The following DLG5 variants were observed in gnomAD, a reference collection of about 807,000 sequenced individuals.
DLG5 encodes the protein discs large MAGUK scaffold protein 5.
In DLG5, 48 loss-of-function variants were observed where a neutral mutation model predicts 189.8. The ratio of observed to expected loss-of-function variants is 0.25; its 90% CI spans 0.20 to 0.32. The LOEUF (loss-of-function observed/expected upper bound fraction) is 0.32. Among genes scored for constraint, DLG5 ranks in the 10% least tolerant of loss-of-function variants. The pLI is 1.00. For missense variants in DLG5, 2,160 were observed against 2,544.7 expected, an observed-to-expected ratio of 0.85 and a Z score of 3.25; for synonymous variants, 1,016 against 1,054.1, an observed-to-expected ratio of 0.96 and a Z score of 0.70.
chr10:77,806,724 G>GCCCCCCC, intron 26 of DLG5, 34 bp downstream of exon 26: 6 of 1,016,136 alleles, frequency 5.9e-6, no homozygotes, highest in Admixed American at 4.1e-5. Flanking sequence ...GGCGACCCCT[G>GCCCCCCC]CCCCACCCCA....
chr10:77,855,758 A>G (rs530326181), intron 3 of DLG5, among the ~76,000 whole-genome samples: 1 of 152,318 alleles, frequency 6.6e-6, no homozygotes, highest in East Asian at 1.9e-4. Flanking sequence ...CCAGAGGCAC[A>G]AAGTGCAGAG....
chr10:77,856,548 A>C (rs927081005), intron 3 of DLG5, among the ~76,000 whole-genome samples, 182 bp downstream of exon 3: 11 of 152,200 alleles, frequency 7.2e-5, no homozygotes, highest in African/African-American at 2.2e-4. Flanking sequence ...GACCTGCCCC[A>C]CAAGAAGCCT....
chr10:77,877,863 G>GGCCGCAGCA (rs1845151073), intron 1 of DLG5, among the ~76,000 whole-genome samples: 1 of 152,152 alleles, frequency 6.6e-6, no homozygotes, highest in Admixed American at 6.5e-5. Context: ...GTGGAGCAGC[G>GGCCGCAGCA]CCTCTGCCCC....
chr10:77,896,695 T>C (rs1018692802), intron 1 of DLG5, among the ~76,000 whole-genome samples: 2 of 151,782 alleles, frequency 1.3e-5, no homozygotes, highest in African/African-American at 4.8e-5. Flanking sequence ...ACAAAAAAAT[T>C]TGCCGGGCAT....
chr10:77,801,789 G>T (rs373576059), intron 27 of DLG5, among the ~76,000 whole-genome samples: 1 of 152,194 alleles, frequency 6.6e-6, no homozygotes, highest in Non-Finnish European at 1.5e-5. Context: ...GTGGCAGGCT[G>T]ACAAGTGTCC....
At chr10:77,807,677 T>A in intron 25 of DLG5, 119 bp downstream of exon 25, 3 of 1,208,918 alleles carry the variant, frequency 2.5e-6, no homozygotes, top group Non-Finnish European at 3.5e-6. Context: ...CAAGGAATGA[T>A]GATCATGGCC....
At chr10:77,806,353 T>C (rs1388181883) in intron 26 of DLG5, among the ~76,000 whole-genome samples, 2 of 151,912 alleles carry the variant, frequency 1.3e-5, no homozygotes, top group African/African-American at 4.8e-5. Flanking sequence ...GGGAGGACAG[T>C]GGGATAAGGG....
rs116762338 is a variant in DLG5, at chr10:77,834,369, T to C, written c.1623-330A>G. 8.4e-3 allele frequency among the ~76,000 whole-genome samples: 1,285 copies of C among 152,154 alleles called. 19 individuals are homozygous for C. The highest frequency in any genetic ancestry group is 0.029 in the African/African-American group (1,187 of 41,502). ...ACACACTCACTGTTCTAATGCCAACTTGGGGAGCCAGGGGGTGGCTCTCCT... is the reference window on the plus strand; with the variant it reads ...ACACACTCACTGTTCTAATGCCAACCTGGGGAGCCAGGGGGTGGCTCTCCT... On this transcript the variant is annotated intron_variant, in intron 8 of 31. Transcript: ENST00000372391.
At chr10:77,836,795 C>G (rs148169343) in intron 7 of DLG5, among the ~76,000 whole-genome samples, 1 of 151,746 alleles carries the variant, frequency 6.6e-6, no homozygotes, top group South Asian at 2.1e-4. Flanking sequence ...TCAGACCTCA[C>G]GGTTTCTGGG....
intron 1 of DLG5, among the ~76,000 whole-genome samples, chr10:77,870,508 C>T (rs1236659949): frequency 6.6e-6 from 1 of 152,084 alleles, no homozygotes; most frequent in Non-Finnish European, 1.5e-5. Context: ...CATAGTGAAA[C>T]TCCATCTCTA....
chr10:77,881,209 C>A (rs1845271030), intron 1 of DLG5, among the ~76,000 whole-genome samples: 1 of 151,930 alleles, frequency 6.6e-6, no homozygotes, highest in African/African-American at 2.4e-5. Flanking sequence ...CTGACCAGAC[C>A]TCCTCCTTTC....
intron 2 of DLG5, 173 bp downstream of exon 2, chr10:77,868,956 T>C: frequency 1.6e-6 from 1 of 624,232 alleles, no homozygotes; most frequent in Non-Finnish European, 2.8e-6. Context: ...CCTTCTAACA[T>C]CAGAACTGGG....
chr10:77,825,817 A>G (rs1842608076), intron 13 of DLG5, among the ~76,000 whole-genome samples: 3 of 152,002 alleles, frequency 2.0e-5, no homozygotes, highest in Admixed American at 6.6e-5. Flanking sequence ...TCGGCCTCCC[A>G]AAGTGCTAGG....
chr10:77,937,715 CTTT>C, the DLG5 span, among the ~76,000 whole-genome samples: 28 of 101,270 alleles, frequency 2.8e-4, no homozygotes, highest in African/African-American at 3.3e-4. Context: ...ACATTTTATA[CTTT>C]TTTTTTTTTT....
the DLG5 span, among the ~76,000 whole-genome samples, chr10:77,940,201 C>T: frequency 6.6e-6 from 1 of 152,214 alleles, no homozygotes; most frequent in South Asian, 2.1e-4. Flanking sequence ...GGCCCACCTA[C>T]AGCTTCCTGA....
chr10:77,898,179 C>T (rs570906081), intron 1 of DLG5, among the ~76,000 whole-genome samples: 5 of 152,358 alleles, frequency 3.3e-5, no homozygotes, highest in South Asian at 2.1e-4. Flanking sequence ...TTGGCCACCA[C>T]GCTTAGGCCA....
intron 1 of DLG5, among the ~76,000 whole-genome samples, chr10:77,911,585 C>T (rs1846222368): frequency 6.6e-6 from 1 of 152,062 alleles, no homozygotes; most frequent in Non-Finnish European, 1.5e-5. Context: ...AATTTGGGGA[C>T]TCAGGGGTCA....
chr10:77,870,778 G>A lies in DLG5; in HGVS notation c.305-1581C>T, dbSNP rs11814884. Among the ~76,000 whole-genome samples, 1,444 of 152,212 alleles carry A rather than the reference G, an allele frequency of 9.5e-3. 21 individuals carry two copies. The highest frequency in any genetic ancestry group is 0.033 in the African/African-American group (1,357 of 41,538). On this transcript the variant is annotated intron_variant, in intron 1 of 31. Coordinates refer to ENST00000372391, the MANE Select transcript of DLG5 (RefSeq NM_004747.4). ...CGGGAAAGAGGAGAAATGAAGAAAT[G>A]GGGGTAAATGGGGGAGCGGGGCAGG...
chr10:77,911,461 A>C (rs1177035623), intron 1 of DLG5, among the ~76,000 whole-genome samples: 3 of 152,196 alleles, frequency 2.0e-5, no homozygotes, highest in Admixed American at 6.5e-5. Flanking sequence ...AAAATATGTA[A>C]ATAGAATTAG....
Sources: gnomAD v4.1 joint callset for allele counts (sites outside exome capture counted in the v4.1 genomes callset) on GRCh38, gnomAD v4.1.1 for gene constraint, MANE v1.5 for transcripts, NCBI Gene and HGNC (gene_info 2026-07-23, HGNC 2026-07-21) for gene names.